The following MPPED2 variants were observed in gnomAD, a reference collection of about 807,000 sequenced individuals.
MPPED2 encodes the protein metallophosphoesterase MPPED2.
In MPPED2, 5 loss-of-function variants were observed where a neutral mutation model predicts 33.0. That is an observed-to-expected ratio of 0.15 (90% CI 0.08 to 0.32). MPPED2 has a LOEUF of 0.32. Ranked by LOEUF, MPPED2 falls within the 10% of genes least tolerant of loss-of-function variation. The pLI is 1.00. For synonymous variants in MPPED2, 136 were observed against 141.9 expected (o/e 0.96, Z 0.29); for missense variants, 275 against 372.1 (o/e 0.74, Z 2.15).
downstream of MPPED2, among the ~76,000 whole-genome samples, chr11:30,408,014 A>T (rs1035533781): frequency 1.3e-5 from 2 of 152,220 alleles, no homozygotes; most frequent in African/African-American, 4.8e-5. Context: ...CACTTACTAG[A>T]TGTCAGACAG....
chr11:30,403,262 A>AG (rs1048883621), intron 6 of MPPED2, among the ~76,000 whole-genome samples: 21 of 149,792 alleles, frequency 1.4e-4, no homozygotes, highest in Non-Finnish European at 2.4e-4. Context: ...AAAAAAAAAG[A>AG]AAAGAAAACA....
intron 4 of MPPED2, among the ~76,000 whole-genome samples, chr11:30,484,109 A>T (rs1036173742): frequency 5.9e-5 from 9 of 152,286 alleles, no homozygotes; most frequent in East Asian, 1.9e-4. Context: ...ATGAAATTTT[A>T]GCACCATTTT....
intron 6 of MPPED2, among the ~76,000 whole-genome samples, chr11:30,392,085 A>G (rs1323797571): frequency 6.6e-6 from 1 of 152,232 alleles, no homozygotes; most frequent in Admixed American, 6.5e-5. Context: ...GTAGGTGTTC[A>G]AACTATACTA....
chr11:30,450,314 T>G (rs557957), intron 4 of MPPED2, among the ~76,000 whole-genome samples: 91,061 of 152,122 alleles, frequency 0.6, 28,656 homozygotes, highest in African/African-American at 0.81. Context: ...TCCTTGTCTA[T>G]ATCAGAATAA....
chr11:30,569,008 G>A (rs181677317), intron 2 of MPPED2, among the ~76,000 whole-genome samples: 31 of 152,182 alleles, frequency 2.0e-4, no homozygotes, highest in African/African-American at 6.7e-4. Flanking sequence ...TTTTCTCAAA[G>A]TGCAAAATTT....
chr11:30,438,222 A>G (rs1251043666), intron 4 of MPPED2, among the ~76,000 whole-genome samples: 5 of 152,164 alleles, frequency 3.3e-5, no homozygotes. Context: ...AAGGAGAGAG[A>G]CTTGAGAAGA....
chr11:30,500,112 A>G (rs191069159), intron 3 of MPPED2, among the ~76,000 whole-genome samples: 48 of 152,276 alleles, frequency 3.2e-4, no homozygotes, highest in African/African-American at 8.9e-4. Context: ...ACTCAATGCA[A>G]TCTGGCTTCT....
chr11:30,521,289 T>C (rs750113856), intron 3 of MPPED2, among the ~76,000 whole-genome samples: 2 of 152,100 alleles, frequency 1.3e-5, no homozygotes, highest in Non-Finnish European at 2.9e-5. Flanking sequence ...AAACCAAATA[T>C]AGGGATGTAA....
At chr11:30,521,022 AT>A (rs1323215949) in intron 3 of MPPED2, among the ~76,000 whole-genome samples, 1 of 152,190 alleles carries the variant, frequency 6.6e-6, no homozygotes, top group Non-Finnish European at 1.5e-5. Flanking sequence ...ATGCACAACT[AT>A]CCCCACTTCC....
chr11:30,445,150 G>A (rs1160740369), intron 4 of MPPED2, among the ~76,000 whole-genome samples: 2 of 151,956 alleles, frequency 1.3e-5, no homozygotes, highest in East Asian at 1.9e-4. Context: ...AAAAAATAAA[G>A]AGAGCAAAAT....
chr11:30,431,206 G>T (rs570668809), intron 4 of MPPED2, among the ~76,000 whole-genome samples: 122 of 152,294 alleles, frequency 8.0e-4, no homozygotes, highest in South Asian at 8.3e-4. Flanking sequence ...TAAAAAGGCA[G>T]ACTAGAGACC....
At chr11:30,585,448 C>G (rs1052396217) in intron 1 of MPPED2, among the ~76,000 whole-genome samples, 1 of 152,010 alleles carries the variant, frequency 6.6e-6, no homozygotes, top group Non-Finnish European at 1.5e-5. Context: ...GCCTTCCCCT[C>G]GTCACTGCAC....
chr11:30,523,621 CTT>C (rs755853042), intron 3 of MPPED2, among the ~76,000 whole-genome samples: 16,312 of 103,732 alleles, frequency 0.16, 898 homozygotes, highest in Non-Finnish European at 0.22. Context: ...AGCAACACAT[CTT>C]TTTTTTTTTT....
At chr11:30,583,636 G>A (rs1957300385) in intron 1 of MPPED2, among the ~76,000 whole-genome samples, 1 of 152,042 alleles carries the variant, frequency 6.6e-6, no homozygotes, top group Non-Finnish European at 1.5e-5. Flanking sequence ...AATCTAGTTG[G>A]AAAACCTTTT....
chr11:30,546,084 T>G (rs1955409921), intron 2 of MPPED2, among the ~76,000 whole-genome samples: 1 of 152,186 alleles, frequency 6.6e-6, no homozygotes, highest in African/African-American at 2.4e-5. Context: ...CCTCCCAAAG[T>G]GCTGGGATTA....
Position 30,395,357 on chromosome 11 carries a change from C to T in MPPED2, c.767-6401G>A, listed in dbSNP as rs116232541. 2.1e-3 allele frequency among the ~76,000 whole-genome samples: 322 copies of T among 152,258 alleles called. 2 individuals carry two copies. Among genetic ancestry groups the T allele is most frequent in the African/African-American group, 7.3e-3 (305 of 41,540 alleles). On this transcript the variant is annotated intron_variant, in intron 6 of 6. Transcript: ENST00000448418. ...ACTGAACCCCAGATAATTTTAATAA[C>T]ATACCCAAGCCTACTTAGTTAATAT...
chr11:30,561,424 A>T (rs1956234901), intron 2 of MPPED2, among the ~76,000 whole-genome samples: 1 of 152,192 alleles, frequency 6.6e-6, no homozygotes, highest in African/African-American at 2.4e-5. Flanking sequence ...TGTACTGCCA[A>T]ATGCCATCTC....
chr11:30,576,985 T>C (rs1158299870), intron 2 of MPPED2, among the ~76,000 whole-genome samples: 1 of 152,160 alleles, frequency 6.6e-6, no homozygotes, highest in Non-Finnish European at 1.5e-5. Context: ...ACTAAACCAA[T>C]GCTTCTTAAA....
chr11:30,552,169 G>A (rs1435728275), intron 2 of MPPED2, among the ~76,000 whole-genome samples: 1 of 152,120 alleles, frequency 6.6e-6, no homozygotes, highest in African/African-American at 2.4e-5. Flanking sequence ...ATCTTCTATA[G>A]CACCTCAGTA....
Sources: gnomAD v4.1 joint callset for allele counts (sites outside exome capture counted in the v4.1 genomes callset) on GRCh38, gnomAD v4.1.1 for gene constraint, MANE v1.5 for transcripts, NCBI Gene and HGNC (gene_info 2026-07-23, HGNC 2026-07-21) for gene names.